Variants in OPCML observed in about 807,000 individuals in gnomAD.
OPCML encodes the protein opioid-binding protein/cell adhesion molecule.
A neutral mutation model predicts 37.8 loss-of-function variants in OPCML; 13 were observed. The observed-to-expected ratio is 0.34, with a 90% CI of 0.22 to 0.55. OPCML has a LOEUF of 0.55. OPCML is among the 20% of genes least tolerant of loss of function. OPCML has a pLI of 0.91. For synonymous variants in OPCML, 176 were observed against 168.8 expected (o/e 1.04, Z -0.33); for missense variants, 341 against 435.6 (o/e 0.78, Z 1.93).
chr11:132,952,836 T>C (rs555039751), intron 1 of OPCML, among the ~76,000 whole-genome samples: 50 of 152,262 alleles, frequency 3.3e-4, no homozygotes, highest in African/African-American at 1.1e-3. Flanking sequence ...CAGCTCTCCA[T>C]GATGGGGGAT....
chr11:132,657,614 A>C (rs532539632), intron 2 of OPCML, among the ~76,000 whole-genome samples: 1 of 152,214 alleles, frequency 6.6e-6, no homozygotes, highest in African/African-American at 2.4e-5. Context: ...CTTATATGAA[A>C]ATCAGTTTAT....
intron 3 of OPCML, among the ~76,000 whole-genome samples, chr11:132,535,988 G>A (rs985799413): frequency 1.3e-5 from 2 of 152,148 alleles, no homozygotes; most frequent in Non-Finnish European, 2.9e-5. Context: ...TATTAGAGCT[G>A]AATCAGAACA....
In OPCML at chr11:133,201,168, A is replaced by G. The variant is rs116348719; in HGVS notation, c.62-258158T>C. On this transcript the variant is annotated intron_variant, in intron 1 of 7. Transcript: ENST00000524381. ...GAAGGAGGGTAAAGACTGAAAAACT[A>G]CCTATCAGGTATTATGCTGATTACC... Among the ~76,000 whole-genome samples, 1,074 of 152,242 alleles carry G rather than the reference A, an allele frequency of 7.1e-3. 17 individuals carry two copies. The highest frequency in any genetic ancestry group is 0.023 in the African/African-American group (950 of 41,544).
chr11:133,345,930 G>T (rs998067422), intron 1 of OPCML, among the ~76,000 whole-genome samples: 14 of 152,082 alleles, frequency 9.2e-5, no homozygotes, highest in Non-Finnish European at 1.8e-4. Flanking sequence ...CTAATCAATA[G>T]AACCTAAAGC....
rs561030757 is a variant in OPCML at position 133,507,539 on chromosome 11, G to A, written c.61+24725C>T. On this transcript the variant is annotated intron_variant, in intron 1 of 7. Transcript: ENST00000524381. ...TTCCTAGGGCTCCTCTCACCAGGTCGTAAGCACTGACTCTGGGAACTAGAG... is the reference window on the plus strand; with the variant it reads ...TTCCTAGGGCTCCTCTCACCAGGTCATAAGCACTGACTCTGGGAACTAGAG... Among the ~76,000 whole-genome samples the A allele has an allele frequency of 3.3e-5, 5 of 152,258 alleles. No homozygotes were observed. In the South Asian group the frequency reaches 6.2e-4, roughly 19 times the overall value.
chr11:133,487,890 C>A (rs1947563916), intron 1 of OPCML, among the ~76,000 whole-genome samples: 1 of 145,574 alleles, frequency 6.9e-6, no homozygotes, highest in Non-Finnish European at 1.5e-5. Flanking sequence ...CTGTAGCAAA[C>A]TGAATCCAAC....
chr11:133,097,693 A>G (rs997227498), intron 1 of OPCML, among the ~76,000 whole-genome samples: 1 of 152,182 alleles, frequency 6.6e-6, no homozygotes, highest in African/African-American at 2.4e-5. Flanking sequence ...GGACATCACT[A>G]CCAACCCATG....
intron 1 of OPCML, among the ~76,000 whole-genome samples, chr11:132,951,455 C>T (rs1005753321): frequency 2.6e-5 from 4 of 152,216 alleles, no homozygotes; most frequent in Non-Finnish European, 5.9e-5. Context: ...CCCCATCCTT[C>T]TGACCCCTTT....
At chr11:133,053,191 A>G (rs935135756) in intron 1 of OPCML, among the ~76,000 whole-genome samples, 1 of 152,216 alleles carries the variant, frequency 6.6e-6, no homozygotes, top group African/African-American at 2.4e-5. Flanking sequence ...ACTGGTGATA[A>G]TGTCAGAGCC....
chr11:132,910,853 T>C (rs1290453203), intron 2 of OPCML, among the ~76,000 whole-genome samples: 1 of 152,052 alleles, frequency 6.6e-6, no homozygotes, highest in Non-Finnish European at 1.5e-5. Context: ...TTACAAACCC[T>C]CAGGACCATT....
intron 2 of OPCML, among the ~76,000 whole-genome samples, chr11:132,881,120 T>C (rs1418131600): frequency 6.6e-6 from 1 of 152,208 alleles, no homozygotes; most frequent in Non-Finnish European, 1.5e-5. Context: ...TATTCTTTAG[T>C]TGGGATGAAG....
At chr11:133,065,200 G>A (rs1203112736) in intron 1 of OPCML, 1 of 152,434 alleles carries the variant, frequency 6.6e-6, no homozygotes, top group African/African-American at 2.4e-5. Flanking sequence ...GCTGAGCCTG[G>A]GCTGGGCTGC....
chr11:133,429,702 C>G (rs1946078668), intron 1 of OPCML, among the ~76,000 whole-genome samples: 1 of 152,088 alleles, frequency 6.6e-6, no homozygotes, highest in Non-Finnish European at 1.5e-5. Flanking sequence ...AGAGTGACTC[C>G]TAAATGTTTG....
chr11:133,096,152 G>GTA lies in OPCML; in HGVS notation c.62-153143_62-153142insTA, dbSNP rs937024995. 2.7e-5 allele frequency among the ~76,000 whole-genome samples: 4 copies of GTA among 145,466 alleles called. 1 individual carries two copies. The highest frequency in any genetic ancestry group is 3.6e-3 in the Middle Eastern group (1 of 276). On this transcript the variant is annotated intron_variant, in intron 1 of 7. Transcript: ENST00000524381. ...CAAATGTGTGTGTGTGTGTGTGTGTGTGTTTATGTGTAAGTGAAATGAATG... is the reference window on the plus strand; with the variant it reads ...CAAATGTGTGTGTGTGTGTGTGTGTGTATGTTTATGTGTAAGTGAAATGAATG...
chr11:133,250,761 G>A (rs907498738), intron 1 of OPCML, among the ~76,000 whole-genome samples: 1 of 152,126 alleles, frequency 6.6e-6, no homozygotes. Flanking sequence ...TGTAAAATGG[G>A]CACCTAAAGG....
intron 2 of OPCML, among the ~76,000 whole-genome samples, chr11:132,708,975 G>C (rs1944149721): frequency 6.6e-6 from 1 of 152,104 alleles, no homozygotes; most frequent in African/African-American, 2.4e-5. Context: ...TTTATTTTTA[G>C]TCTCATGGGT....
At chr11:132,580,791 T>C (rs2096460574) in intron 3 of OPCML, among the ~76,000 whole-genome samples, 1 of 152,190 alleles carries the variant, frequency 6.6e-6, no homozygotes, top group Non-Finnish European at 1.5e-5. Flanking sequence ...TTAAACATGG[T>C]CCTTGTATAA....
intron 1 of OPCML, among the ~76,000 whole-genome samples, chr11:133,382,370 T>C (rs1565604774): frequency 6.6e-6 from 1 of 152,202 alleles, no homozygotes; most frequent in Admixed American, 6.5e-5. Context: ...GTAAGCATGT[T>C]TGACCTCATT....
At chr11:132,554,863 G>GTTTTTTTGTTTTTTTTT (rs1235737787) in intron 3 of OPCML, among the ~76,000 whole-genome samples, 1 of 64,010 alleles carries the variant, frequency 1.6e-5, no homozygotes, top group Non-Finnish European at 2.7e-5. Context: ...ATGGGGTAAA[G>GTTTTTTTGTTTTTTTTT]TTTTTTTTTT....
Sources: gnomAD v4.1 joint callset for allele counts (sites outside exome capture counted in the v4.1 genomes callset) on GRCh38, gnomAD v4.1.1 for gene constraint, MANE v1.5 for transcripts, NCBI Gene and HGNC (gene_info 2026-07-23, HGNC 2026-07-21) for gene names.